The following KDM6A variants were observed in gnomAD, a reference collection of about 807,000 sequenced individuals.
KDM6A encodes the protein lysine demethylase 6A, also known as lysine-specific demethylase 6A.
Under a neutral mutation model 117.6 loss-of-function variants are expected in KDM6A, and 11 were observed. That is an observed-to-expected ratio of 0.09 (90% confidence interval 0.06 to 0.15). KDM6A has a LOEUF of 0.15. Among genes scored for constraint, KDM6A ranks in the 10% least tolerant of loss-of-function variants. The pLI is 1.00. For missense variants in KDM6A, 799 were observed against 1,077.3 expected (o/e 0.74, Z 3.62); for synonymous variants, 384 against 396.1 (o/e 0.97, Z 0.36).
intron 4 of KDM6A, among the ~76,000 whole-genome samples, chrX:44,980,813 G>A (rs2039870536): frequency 9.3e-6 from 1 of 107,541 alleles, no homozygotes; most frequent in Non-Finnish European, 1.9e-5. Flanking sequence ...TTGTTCAACT[G>A]GCTAGGACCT....
chrX:44,904,564 C>G (rs920810599), intron 2 of KDM6A, among the ~76,000 whole-genome samples: 5 of 112,017 alleles, frequency 4.5e-5, no homozygotes, highest in Non-Finnish European at 7.5e-5. Context: ...CCCTGGAATT[C>G]TTTTCAACAA....
intron 8 of KDM6A, among the ~76,000 whole-genome samples, chrX:45,041,371 G>GC (rs2043182426): frequency 1.0e-5 from 1 of 99,230 alleles, no homozygotes; most frequent in Non-Finnish European, 2.1e-5. Context: ...TCCCAGTAGG[G>GC]GCGGCCGGGC....
At chrX:44,922,062 T>TTTTTTTTTTG in intron 2 of KDM6A, among the ~76,000 whole-genome samples, 1 of 73,964 alleles carries the variant, frequency 1.4e-5, no homozygotes, top group Non-Finnish European at 2.5e-5. Context: ...TTTTTTTTTT[T>TTTTTTTTTTG]TTAAGAGACA....
intron 4 of KDM6A, among the ~76,000 whole-genome samples, chrX:44,994,384 T>C (rs992996574): frequency 8.9e-6 from 1 of 111,954 alleles, no homozygotes; most frequent in Non-Finnish European, 1.9e-5. Context: ...CTCTGGCTTA[T>C]TTTGCTTAAC....
chrX:45,011,801 T>A (rs1409757008), intron 5 of KDM6A, among the ~76,000 whole-genome samples: 1 of 111,416 alleles, frequency 9.0e-6, no homozygotes, highest in East Asian at 2.8e-4. Flanking sequence ...TTATTTATTT[T>A]TTGAGACAGG....
At chrX:45,000,056 A>C (rs1310943029) in intron 4 of KDM6A, among the ~76,000 whole-genome samples, 1 of 111,831 alleles carries the variant, frequency 8.9e-6, no homozygotes, top group East Asian at 2.8e-4. Context: ...GTTTGGGATG[A>C]AAGTACAACA....
intron 8 of KDM6A, among the ~76,000 whole-genome samples, chrX:45,040,761 C>T (rs1334286471): frequency 5.9e-5 from 4 of 67,837 alleles, no homozygotes; most frequent in Non-Finnish European, 8.4e-5. Flanking sequence ...GGCGGCTGGC[C>T]GGGCGGGGGG....
intron 2 of KDM6A, among the ~76,000 whole-genome samples, chrX:44,890,460 A>G (rs2033247941): frequency 9.0e-6 from 1 of 110,543 alleles, no homozygotes; most frequent in Non-Finnish European, 1.9e-5. Flanking sequence ...AAAACCATCA[A>G]ACTGTTTCCC....
chrX:45,108,574 A>G (rs1280703977), intron 28 of KDM6A, among the ~76,000 whole-genome samples: 1 of 108,398 alleles, frequency 9.2e-6, no homozygotes, highest in Non-Finnish European at 1.9e-5. Flanking sequence ...TTCCTCAGGG[A>G]TCTAGAACTA....
At chrX:45,035,950 C>T (rs1026573819) in intron 7 of KDM6A, among the ~76,000 whole-genome samples, 2 of 111,111 alleles carry the variant, frequency 1.8e-5, no homozygotes, top group African/African-American at 3.3e-5. Flanking sequence ...CCTCCCACCT[C>T]GGCCTCCCAA....
chrX:45,064,348 G>A (rs935577787), intron 17 of KDM6A, among the ~76,000 whole-genome samples: 1 of 111,271 alleles, frequency 9.0e-6, no homozygotes, highest in Non-Finnish European at 1.9e-5. Context: ...CTGGTGAAGT[G>A]TGCCTAGAAG....
chrX:45,070,430 C>T (rs2148060006), intron 18 of KDM6A, 73 bp downstream of exon 18: 7 of 973,629 alleles, frequency 7.2e-6, no homozygotes, highest in South Asian at 2.0e-5. Context: ...AAATTTGGAC[C>T]GTTTAAGATA....
intron 6 of KDM6A, among the ~76,000 whole-genome samples, chrX:45,021,851 C>T (rs2042182773): frequency 9.0e-6 from 1 of 111,502 alleles, no homozygotes; most frequent in Non-Finnish European, 1.9e-5. Flanking sequence ...ATGAGGGATG[C>T]CTGGAAGTTA....
chrX:45,093,005 A>G (rs1452604930), intron 27 of KDM6A, among the ~76,000 whole-genome samples: 1 of 111,502 alleles, frequency 9.0e-6, no homozygotes, highest in East Asian at 2.8e-4. Context: ...GGACATGGTA[A>G]GAAGTTTATA....
chrX:44,887,676 G>C (rs987318986), intron 2 of KDM6A, among the ~76,000 whole-genome samples: 2 of 111,235 alleles, frequency 1.8e-5, no homozygotes. Context: ...CATTAACATA[G>C]TTAATAGGCT....
chrX:44,908,937 G>A lies in KDM6A; in HGVS notation c.225+34950G>A, dbSNP rs748729493. ...TTTGCGTGATGATTTTTGTTTTTAA[G>A]GAAACTTGTTGAAGTGTAACATGAA... On this transcript the variant is annotated intron_variant, in intron 2 of 29. Transcript: ENST00000611820. Among the ~76,000 whole-genome samples, 145 of 112,136 alleles carry A rather than the reference G, an allele frequency of 1.3e-3. 1 individual carries two copies. The highest frequency in any genetic ancestry group is 4.6e-3 in the Middle Eastern group (1 of 218).
At chrX:45,042,361 C>T (rs1253832409) in intron 8 of KDM6A, among the ~76,000 whole-genome samples, 3 of 105,408 alleles carry the variant, frequency 2.8e-5, no homozygotes, top group Admixed American at 2.0e-4. Flanking sequence ...ACAGAATAAA[C>T]TCATGGCAAA....
At chrX:44,988,410 C>T (rs1569505865) in intron 4 of KDM6A, among the ~76,000 whole-genome samples, 3 of 111,466 alleles carry the variant, frequency 2.7e-5, no homozygotes, top group East Asian at 2.8e-4. Flanking sequence ...TCTCTCAACT[C>T]GTTGAAGTCA....
chrX:44,896,602 G>GGGAAA (rs2033877168), intron 2 of KDM6A, among the ~76,000 whole-genome samples: 1 of 97,598 alleles, frequency 1.0e-5, no homozygotes, highest in South Asian at 5.0e-4. Flanking sequence ...TGAAGTTTCA[G>GGGAAA]CATTCTTCCA....
Sources: allele counts gnomAD v4.1 joint callset (sites outside exome capture counted in the v4.1 genomes callset), GRCh38; gene constraint gnomAD v4.1.1; transcripts MANE v1.5; gene names NCBI Gene and HGNC (gene_info 2026-07-23, HGNC 2026-07-21).